Variants in SLC35F4 observed in about 807,000 individuals in gnomAD.
SLC35F4 encodes chromosome 14 open reading frame 36.
In SLC35F4, 24 loss-of-function variants were observed where a neutral mutation model predicts 44.2. That is an observed-to-expected ratio of 0.54 (90% CI 0.39 to 0.76). The LOEUF (loss-of-function observed/expected upper bound fraction) is 0.76. SLC35F4 is among the 30% of genes least tolerant of loss of function. SLC35F4 has a pLI of 0.00. For synonymous variants in SLC35F4, 238 were observed against 223.6 expected (o/e 1.06, Z -0.57); for missense variants, 562 against 586.1 (o/e 0.96, Z 0.42).
intron 1 of SLC35F4, among the ~76,000 whole-genome samples, chr14:57,979,210 A>G (rs1249816622): frequency 2.0e-5 from 3 of 152,180 alleles, no homozygotes. Context: ...GTTATTAATT[A>G]TGACCTCTGA....
intron 1 of SLC35F4, among the ~76,000 whole-genome samples, chr14:57,638,846 G>C (rs1361779674): frequency 6.6e-6 from 1 of 152,064 alleles, no homozygotes; most frequent in Admixed American, 6.6e-5. Context: ...GTTTAGGTCA[G>C]AGGTCCCCTA....
intron 1 of SLC35F4, among the ~76,000 whole-genome samples, chr14:57,917,188 G>T (rs1473327608): frequency 6.6e-6 from 1 of 152,070 alleles, no homozygotes; most frequent in Non-Finnish European, 1.5e-5. Context: ...AGCCTCCCGA[G>T]TAGCTGGGAT....
intron 1 of SLC35F4, among the ~76,000 whole-genome samples, chr14:57,699,981 C>T (rs2075491105): frequency 6.6e-6 from 1 of 152,124 alleles, no homozygotes; most frequent in Non-Finnish European, 1.5e-5. Flanking sequence ...GAGATACATT[C>T]CAGGATCACC....
chr14:57,903,267 G>T (rs1198212844), intron 1 of SLC35F4, among the ~76,000 whole-genome samples: 2 of 152,190 alleles, frequency 1.3e-5, no homozygotes, highest in East Asian at 3.9e-4. Context: ...GGGATCAACA[G>T]ATGGAAAATT....
chr14:57,646,798 A>T (rs112689651), intron 1 of SLC35F4, among the ~76,000 whole-genome samples: 2,801 of 152,166 alleles, frequency 0.018, 95 homozygotes, highest in African/African-American at 0.064. Context: ...TTTTAATGTG[A>T]CCCAGAGATT....
intron 1 of SLC35F4, among the ~76,000 whole-genome samples, chr14:57,745,252 C>G (rs1252556215): frequency 2.6e-5 from 4 of 152,108 alleles, no homozygotes; most frequent in South Asian, 2.1e-4. Flanking sequence ...TGAAACTAAA[C>G]AGCTTCTGCA....
intron 1 of SLC35F4, among the ~76,000 whole-genome samples, chr14:57,597,524 TCA>T (rs1464315220): frequency 6.6e-6 from 1 of 152,220 alleles, no homozygotes; most frequent in East Asian, 1.9e-4. Flanking sequence ...CATGGAACTC[TCA>T]GTTTTGTATG....
At chr14:57,667,716 T>G (rs1393415382) in intron 1 of SLC35F4, among the ~76,000 whole-genome samples, 2 of 151,894 alleles carry the variant, frequency 1.3e-5, no homozygotes, top group Non-Finnish European at 2.9e-5. Flanking sequence ...TGCCACATTT[T>G]CTTAATCCAG....
chr14:57,917,749 T>C (rs1348211002), intron 1 of SLC35F4, among the ~76,000 whole-genome samples: 1 of 152,204 alleles, frequency 6.6e-6, no homozygotes, highest in African/African-American at 2.4e-5. Flanking sequence ...ATAGGAATAT[T>C]GCACGATGTT....
At chr14:57,884,324 A>G (rs1248243425) in intron 1 of SLC35F4, among the ~76,000 whole-genome samples, 1 of 152,194 alleles carries the variant, frequency 6.6e-6, no homozygotes, top group Non-Finnish European at 1.5e-5. Flanking sequence ...CTCTAAATCA[A>G]CCAGCAGAGT....
chr14:57,609,527 A>C (rs527786130), intron 1 of SLC35F4, among the ~76,000 whole-genome samples: 1 of 152,184 alleles, frequency 6.6e-6, no homozygotes, highest in Non-Finnish European at 1.5e-5. Context: ...ACCTCCCAGG[A>C]GTACCATATT....
At chr14:57,750,259 A>G (rs1011162615) in intron 1 of SLC35F4, among the ~76,000 whole-genome samples, 2 of 152,108 alleles carry the variant, frequency 1.3e-5, no homozygotes, top group South Asian at 2.1e-4. Flanking sequence ...CATTGTGTAT[A>G]TATATACCAC....
intron 1 of SLC35F4, among the ~76,000 whole-genome samples, chr14:57,612,402 T>C (rs548346762): frequency 6.6e-6 from 1 of 152,256 alleles, no homozygotes; most frequent in African/African-American, 2.4e-5. Context: ...CACCCAGCAG[T>C]TGGGCCAACA....
chr14:57,966,368 A>G (rs1357211656), intron 1 of SLC35F4, among the ~76,000 whole-genome samples: 3 of 152,262 alleles, frequency 2.0e-5, no homozygotes, highest in Non-Finnish European at 4.4e-5. Flanking sequence ...TATCTTAAAT[A>G]TTAACCAAAA....
intron 1 of SLC35F4, among the ~76,000 whole-genome samples, chr14:57,951,141 G>T (rs573456951): frequency 6.6e-6 from 1 of 152,160 alleles, no homozygotes; most frequent in African/African-American, 2.4e-5. Flanking sequence ...AATGGGTATA[G>T]CCCATGTAAG....
chr14:57,690,741 C>T (rs777410409), intron 1 of SLC35F4, among the ~76,000 whole-genome samples: 3 of 151,922 alleles, frequency 2.0e-5, no homozygotes, highest in Admixed American at 1.3e-4. Context: ...ACAGATCAGT[C>T]ACTAGATTCT....
chr14:57,608,875 A>C (rs997253229), intron 1 of SLC35F4, among the ~76,000 whole-genome samples: 28 of 151,888 alleles, frequency 1.8e-4, no homozygotes, highest in Non-Finnish European at 3.7e-4. Context: ...CCATGGTACA[A>C]ATGTGACTTA....
intron 1 of SLC35F4, among the ~76,000 whole-genome samples, chr14:57,814,910 T>C (rs556651469): frequency 4.9e-4 from 74 of 152,282 alleles, no homozygotes; most frequent in African/African-American, 1.6e-3. Context: ...TAGGAGTGCT[T>C]TGCCAGATAC....
chr14:57,885,824 T>C (rs1888633740), intron 1 of SLC35F4, among the ~76,000 whole-genome samples: 2 of 152,224 alleles, frequency 1.3e-5, no homozygotes, highest in African/African-American at 4.8e-5. Context: ...ATATCACTTC[T>C]TCAGTGAATC....
Sources: allele counts gnomAD v4.1 joint callset (sites outside exome capture counted in the v4.1 genomes callset), GRCh38; gene constraint gnomAD v4.1.1; transcripts MANE v1.5; gene names NCBI Gene and HGNC (gene_info 2026-07-23, HGNC 2026-07-21).